The following SPECC1 variants were observed in gnomAD, a reference collection of about 807,000 sequenced individuals.
SPECC1 encodes the protein cytospin-B.
A neutral mutation model predicts 104.1 loss-of-function variants in SPECC1; 62 were observed. The observed-to-expected ratio is 0.60, with a 90% CI of 0.49 to 0.74. SPECC1 has a LOEUF of 0.74. Ranked by LOEUF, SPECC1 falls within the 30% of genes least tolerant of loss-of-function variation. The pLI is 0.00. For missense variants in SPECC1, 1,306 were observed against 1,310.5 expected, an observed-to-expected ratio of 1.00 and a Z score of 0.05; for synonymous variants, 513 against 501.6, an observed-to-expected ratio of 1.02 and a Z score of -0.30.
At chr17:20,222,838 T>C (rs1265440957) in intron 4 of SPECC1, among the ~76,000 whole-genome samples, 1 of 152,218 alleles carries the variant, frequency 6.6e-6, no homozygotes, top group African/African-American at 2.4e-5. Context: ...TGGGAAAGTC[T>C]CTATTTCTCT....
intron 3 of SPECC1, among the ~76,000 whole-genome samples, chr17:20,140,114 G>A (rs2030585463): frequency 2.6e-5 from 4 of 151,904 alleles, no homozygotes; most frequent in Admixed American, 1.3e-4. Context: ...GATCATTTTC[G>A]GCCCATCAAT....
intron 1 of SPECC1, among the ~76,000 whole-genome samples, chr17:20,058,036 A>G (rs1235812368): frequency 1.3e-5 from 2 of 152,314 alleles, no homozygotes; most frequent in East Asian, 1.9e-4. Flanking sequence ...TCAAGGTATC[A>G]TAACAGCATT....
intron 3 of SPECC1, among the ~76,000 whole-genome samples, chr17:20,162,129 C>T (rs1467226589): frequency 6.6e-6 from 1 of 150,908 alleles, no homozygotes; most frequent in Non-Finnish European, 1.5e-5. Context: ...AGACTTCGGG[C>T]AAATAATTTT....
At chr17:20,193,662 T>C (rs968069841) in intron 3 of SPECC1, among the ~76,000 whole-genome samples, 3 of 152,164 alleles carry the variant, frequency 2.0e-5, no homozygotes, top group Non-Finnish European at 2.9e-5. Context: ...TAAGAAAACA[T>C]TCAGTAAGCT....
At chr17:20,244,909 C>T (rs945455609) in intron 7 of SPECC1, among the ~76,000 whole-genome samples, 1 of 152,154 alleles carries the variant, frequency 6.6e-6, no homozygotes, top group Non-Finnish European at 1.5e-5. Context: ...ATGCCAAAGT[C>T]CCCTATATGA....
chr17:20,105,827 A>AG (rs1567846847), intron 2 of SPECC1, among the ~76,000 whole-genome samples: 3 of 152,096 alleles, frequency 2.0e-5, no homozygotes, highest in Admixed American at 6.5e-5. Context: ...CCCTTATGGA[A>AG]GGGGGCAGGG....
At chr17:20,241,371 G>A (rs1467083409) in intron 7 of SPECC1, among the ~76,000 whole-genome samples, 1 of 152,190 alleles carries the variant, frequency 6.6e-6, no homozygotes, top group Non-Finnish European at 1.5e-5. Context: ...CTTCTCGGAT[G>A]TAAATTCTTC....
chr17:20,220,322 T>G (rs899708268), intron 4 of SPECC1, among the ~76,000 whole-genome samples: 9 of 152,306 alleles, frequency 5.9e-5, no homozygotes, highest in South Asian at 2.1e-4. Flanking sequence ...GTCTTTATTT[T>G]TGTGTGTGTG....
Position 20,220,790 on chromosome 17 carries a change from A to G in SPECC1, c.1864-6623A>G, listed in dbSNP as rs118071027. On this transcript the variant is annotated intron_variant, in intron 4 of 14. Coordinates refer to ENST00000395527, the MANE Select transcript of SPECC1 (RefSeq NM_001243439.2). ...GAGGAAAAGCTTTCAGTTTTTCTCCATTCATATGATACTAGGTGTGGGTCT... is the reference window on the plus strand; with the variant it reads ...GAGGAAAAGCTTTCAGTTTTTCTCCGTTCATATGATACTAGGTGTGGGTCT... Among the ~76,000 whole-genome samples, 406 of 152,242 alleles carry G rather than the reference A, an allele frequency of 2.7e-3. 3 individuals carry two copies. The highest frequency in any genetic ancestry group is 6.1e-3 in the Admixed American group (93 of 15,294).
At chr17:20,109,110 G>A (rs1430731374) in intron 2 of SPECC1, among the ~76,000 whole-genome samples, 2 of 152,180 alleles carry the variant, frequency 1.3e-5, no homozygotes, top group African/African-American at 4.8e-5. Flanking sequence ...AAACTATGGT[G>A]GGGTGAGGGT....
chr17:20,176,732 C>G (rs561139977), intron 3 of SPECC1, among the ~76,000 whole-genome samples: 6 of 152,092 alleles, frequency 3.9e-5, no homozygotes, highest in Admixed American at 3.9e-4. Context: ...GGGCTGTCAT[C>G]ACATCTCCTT....
chr17:20,080,885 G>C (rs758819951), intron 1 of SPECC1, among the ~76,000 whole-genome samples: 8 of 152,094 alleles, frequency 5.3e-5, no homozygotes, highest in Middle Eastern at 3.2e-3. Flanking sequence ...GTGCAGGGGG[G>C]GGTGGTCACT....
intron 3 of SPECC1, among the ~76,000 whole-genome samples, chr17:20,147,504 T>G (rs1039472113): frequency 6.6e-6 from 1 of 152,212 alleles, no homozygotes; most frequent in Non-Finnish European, 1.5e-5. Context: ...TTCTTATCTT[T>G]AGAAATCCAT....
intron 3 of SPECC1, among the ~76,000 whole-genome samples, chr17:20,189,202 T>A (rs1033194411): frequency 1.3e-5 from 2 of 152,218 alleles, no homozygotes; most frequent in Non-Finnish European, 2.9e-5. Flanking sequence ...TCCTCCTTAT[T>A]CTCAGTGTTT....
chr17:20,099,719 AAC>A (rs139534497), intron 2 of SPECC1, among the ~76,000 whole-genome samples: 12,974 of 123,978 alleles, frequency 0.1, 2,416 homozygotes, highest in African/African-American at 0.17. Flanking sequence ...AAAAAAAAAA[AAC>A]CCACAAAATA....
Position 20,245,928 on chromosome 17 carries a change from C to T in SPECC1, c.2354C>T (p.Pro785Leu), listed in dbSNP as rs2039402486. The T allele has an allele frequency of 6.2e-7, 1 of 1,614,132 alleles. No homozygotes were observed. The highest frequency in any genetic ancestry group is 8.5e-7 in the Non-Finnish European group (1 of 1,180,004). Residue 785 changes from proline to leucine, a missense_variant and splice_region_variant, in exon 8 of 15, where the codon CCT (proline) becomes CTT (leucine). Transcript: ENST00000395527. ...RVVTSRAAPP[P>L]VDEEPESSEV... ...CTGATTTGCTCTTTGCCATGCAGAC[C>T]TGTGGATGAAGAGCCAGAGTCCTCT...
intron 4 of SPECC1, among the ~76,000 whole-genome samples, chr17:20,213,639 A>G (rs1388153453): frequency 6.6e-6 from 1 of 152,168 alleles, no homozygotes; most frequent in Non-Finnish European, 1.5e-5. Flanking sequence ...TTTGACCTCT[A>G]CCTGAGTCTT....
chr17:20,169,173 T>C (rs989880301), intron 3 of SPECC1, among the ~76,000 whole-genome samples: 1 of 152,316 alleles, frequency 6.6e-6, no homozygotes, highest in African/African-American at 2.4e-5. Flanking sequence ...CTGGCCACAA[T>C]GGTTTGTTAA....
At chr17:20,109,834 C>G (rs1183463603) in intron 2 of SPECC1, among the ~76,000 whole-genome samples, 1 of 152,022 alleles carries the variant, frequency 6.6e-6, no homozygotes, top group African/African-American at 2.4e-5. Flanking sequence ...TTTTTTCCCC[C>G]ACCAGGAGAG....
Sources: allele counts gnomAD v4.1 joint callset (sites outside exome capture counted in the v4.1 genomes callset), GRCh38; gene constraint gnomAD v4.1.1; transcripts MANE v1.5; gene names NCBI Gene and HGNC (gene_info 2026-07-23, HGNC 2026-07-21).